DPY19L1: variants seen among roughly 807,000 people sequenced by gnomAD.
DPY19L1 encodes dpy-19 like C-mannosyltransferase 1, also known as protein C-mannosyl-transferase DPY19L1.
A neutral mutation model predicts 96.9 loss-of-function variants in DPY19L1; 35 were observed. The ratio of observed to expected loss-of-function variants is 0.36; its 90% CI spans 0.28 to 0.48. The LOEUF (loss-of-function observed/expected upper bound fraction) is 0.48. Among genes scored for constraint, DPY19L1 ranks in the 20% least tolerant of loss-of-function variants. DPY19L1 has a pLI of 0.99. For missense variants in DPY19L1, 521 were observed against 777.9 expected, an observed-to-expected ratio of 0.67 and a Z score of 3.93; for synonymous variants, 205 against 252.6, an observed-to-expected ratio of 0.81 and a Z score of 1.79.
chr7:34,931,717 A>C lies in DPY19L1; in HGVS notation c.2103T>G (p.Ser701Arg). The change falls in exon 22 of 22, where the codon AGT becomes AGG. Residue 701 changes from serine (S) to arginine (R), a missense_variant. Coordinates refer to ENST00000638088, the MANE Select transcript of DPY19L1 (RefSeq NM_001366673.1). ...WCVRRSKPGCSMPEIWDVEDP... is the reference protein window; with the variant it reads ...WCVRRSKPGCRMPEIWDVEDP... The stretch of plus-strand genomic sequence containing the variant: ...CTTCTACATCCCAAATTTCAGGCAT[A>C]CTGCAACCAGGCCTAGAAAAATGAA... 6.4e-7 allele frequency: 1 copy of C among 1,567,234 alleles called. No individual in the cohort carries two copies. The highest frequency in any genetic ancestry group is 1.2e-5 in the South Asian group (1 of 80,944).
At chr7:34,947,067 A>G (rs1784163821) in intron 15 of DPY19L1, among the ~76,000 whole-genome samples, 1 of 152,230 alleles carries the variant, frequency 6.6e-6, no homozygotes, top group African/African-American at 2.4e-5. Flanking sequence ...ACATTTGGTT[A>G]CAGAGTGCAC....
chr7:34,967,040 T>A (rs1161441003), intron 9 of DPY19L1, 69 bp from the exon 10 acceptor site: 2 of 1,198,990 alleles, frequency 1.7e-6, no homozygotes, highest in Non-Finnish European at 2.3e-6. Context: ...AGAATATATT[T>A]ACTGTTGTTT....
chr7:34,974,330 T>G (rs1784788116), intron 7 of DPY19L1, among the ~76,000 whole-genome samples: 1 of 152,184 alleles, frequency 6.6e-6, no homozygotes, highest in Non-Finnish European at 1.5e-5. Context: ...CTGATATTAT[T>G]AAGTCACACT....
chr7:35,029,171 T>A (rs1786201822), intron 1 of DPY19L1, among the ~76,000 whole-genome samples: 1 of 152,222 alleles, frequency 6.6e-6, no homozygotes, highest in African/African-American at 2.4e-5. Flanking sequence ...CGAAATGGAT[T>A]TGCTCTGATT....
At chr7:34,965,086 T>C (rs1029753348) in intron 10 of DPY19L1, among the ~76,000 whole-genome samples, 1 of 152,142 alleles carries the variant, frequency 6.6e-6, no homozygotes, top group Non-Finnish European at 1.5e-5. Flanking sequence ...ATTTAGTATT[T>C]ATAAAGTTGA....
At chr7:35,014,606 T>TA (rs1785798199) in intron 3 of DPY19L1, among the ~76,000 whole-genome samples, 1 of 152,086 alleles carries the variant, frequency 6.6e-6, no homozygotes. Flanking sequence ...TCCAGAAACT[T>TA]ATTGAAAAAG....
chr7:34,945,225 T>G (rs1784118328), intron 16 of DPY19L1, among the ~76,000 whole-genome samples: 1 of 151,822 alleles, frequency 6.6e-6, no homozygotes, highest in South Asian at 2.1e-4. Flanking sequence ...CAAACCCTCT[T>G]GGTTAATTTT....
At chr7:35,033,009 A>C (rs1786297899) in intron 1 of DPY19L1, among the ~76,000 whole-genome samples, 1 of 152,076 alleles carries the variant, frequency 6.6e-6, no homozygotes, top group Non-Finnish European at 1.5e-5. Context: ...CCATTTTCCC[A>C]AGAGCAGATT....
intron 1 of DPY19L1, among the ~76,000 whole-genome samples, 175 bp downstream of exon 1, chr7:35,036,922 G>C (rs746469682): frequency 8.0e-5 from 12 of 150,508 alleles, no homozygotes; most frequent in Admixed American, 4.0e-4. Flanking sequence ...GGAGGAGAAG[G>C]TAAGAATGTC....
intron 3 of DPY19L1, among the ~76,000 whole-genome samples, chr7:35,016,046 A>C (rs1166730383): frequency 6.6e-6 from 1 of 150,814 alleles, no homozygotes; most frequent in East Asian, 1.9e-4. Flanking sequence ...ATTAATATAA[A>C]TTCATGATTT....
chr7:35,000,377 G>A (rs764324043), intron 6 of DPY19L1: 1 of 152,180 alleles, frequency 6.6e-6, no homozygotes. Flanking sequence ...AAGGTATGGA[G>A]TTACAGTCAT....
chr7:34,952,239 C>T (rs1275169969), intron 13 of DPY19L1, among the ~76,000 whole-genome samples: 3 of 151,690 alleles, frequency 2.0e-5, no homozygotes, highest in African/African-American at 7.3e-5. Context: ...TATGCATATA[C>T]ACAAAAATTC....
chr7:34,975,867 G>A (rs1234603687), intron 7 of DPY19L1, among the ~76,000 whole-genome samples: 5 of 152,198 alleles, frequency 3.3e-5, no homozygotes, highest in Admixed American at 6.5e-5. Flanking sequence ...TAGCATGATT[G>A]ACCAGATATT....
intron 10 of DPY19L1, among the ~76,000 whole-genome samples, chr7:34,962,389 A>C (rs1404695886): frequency 1.3e-5 from 2 of 152,244 alleles, no homozygotes; most frequent in East Asian, 3.8e-4. Flanking sequence ...GACACTATAC[A>C]AAAGGCAAAA....
intron 6 of DPY19L1, among the ~76,000 whole-genome samples, chr7:35,005,229 C>T (rs555246269): frequency 1.5e-4 from 23 of 151,868 alleles, no homozygotes; most frequent in Non-Finnish European, 2.1e-4. Context: ...CAGGGGAGAA[C>T]GATACAAAGA....
intron 10 of DPY19L1, among the ~76,000 whole-genome samples, chr7:34,964,996 GATAAA>G (rs1251861127): frequency 6.6e-6 from 1 of 152,108 alleles, no homozygotes; most frequent in Non-Finnish European, 1.5e-5. Context: ...GAACCAGATT[GATAAA>G]ATAAAAAAGG....
chr7:34,957,996 CA>C lies in DPY19L1; in HGVS notation c.1166del (p.Leu389TrpfsTer2). ...MLLTSYYASS[L>X]VIIWGILAMK... ...AAGGAATACTTACCCAAATAATTACCAAAGAAGAAGCATAATAAGAAGTTAA... is the reference window on the plus strand; with the variant it reads ...AAGGAATACTTACCCAAATAATTACCAAGAAGAAGCATAATAAGAAGTTAA... On this transcript the variant is annotated frameshift_variant, in exon 11 of 22. Transcript: ENST00000638088. LOFTEE classifies it high-confidence loss of function. 6.4e-7 allele frequency: 1 copy of C among 1,574,638 alleles called. No individual in the cohort carries two copies. The highest frequency in any genetic ancestry group is 8.6e-7 in the Non-Finnish European group (1 of 1,162,024).
intron 1 of DPY19L1, among the ~76,000 whole-genome samples, chr7:35,027,667 C>CAAAAAAAAAAAAAAAAAA (rs1399313577): frequency 2.5e-5 from 1 of 40,390 alleles, no homozygotes; most frequent in Non-Finnish European, 6.0e-5. Flanking sequence ...CCCGTCTCTA[C>CAAAAAAAAAAAAAAAAAA]TAAAAAAAAA....
chr7:34,952,067 T>C (rs1253883419), intron 13 of DPY19L1, among the ~76,000 whole-genome samples: 3 of 104,986 alleles, frequency 2.9e-5, no homozygotes, highest in African/African-American at 1.1e-4. Flanking sequence ...TACTAAACTT[T>C]CAAAAAAAAA....
Sources: allele counts gnomAD v4.1 joint callset (sites outside exome capture counted in the v4.1 genomes callset), GRCh38; gene constraint gnomAD v4.1.1; transcripts MANE v1.5; gene names NCBI Gene and HGNC (gene_info 2026-07-23, HGNC 2026-07-21).